The following SPECC1 variants were observed in gnomAD, a reference collection of about 807,000 sequenced individuals.
SPECC1 encodes the protein sperm antigen with calponin homology and coiled-coil domains 1, also known as cytospin-B.
In SPECC1, 62 loss-of-function variants were observed where a neutral mutation model predicts 104.1. That is an observed-to-expected ratio of 0.60 (90% CI 0.49 to 0.74). SPECC1 has a LOEUF of 0.74. Ranked by LOEUF, SPECC1 falls within the 30% of genes least tolerant of loss-of-function variation. The probability of loss-of-function intolerance (pLI) is 0.00; values close to 1 mark genes in which losing one functional copy is unlikely to be tolerated. For synonymous variants in SPECC1, 513 were observed against 501.6 expected (o/e 1.02, Z -0.30); for missense variants, 1,306 against 1,310.5 (o/e 1.00, Z 0.05).
chr17:20,201,122 A>C (rs1165308723), intron 3 of SPECC1, among the ~76,000 whole-genome samples: 1 of 152,100 alleles, frequency 6.6e-6, no homozygotes. Flanking sequence ...TCTGTTCTAT[A>C]TTAATTTTTC....
Position 20,205,796 on chromosome 17 carries a change from A to T in SPECC1, c.1747A>T (p.Met583Leu). 1 of 1,614,224 alleles carries T rather than the reference A, an allele frequency of 6.2e-7. No homozygotes were observed. Among genetic ancestry groups the T allele is most frequent in the Non-Finnish European group, 8.5e-7 (1 of 1,180,038 alleles). ...GGCAGAGAGCTGCGAAGTTCAAGAA[A>T]TGTTGAAAGTAGCCCGAGCAGAGAA... ...QTAESCEVQE[M>L]LKVARAEKDL... Residue 583 changes from methionine (M) to leucine (L), a missense_variant, in exon 4 of 15, where the codon ATG becomes TTG. By Grantham distance (15) the Met-to-Leu change is conservative. This residue lies in a region of SPECC1 where 1,177 missense variants were observed against 1,139.9 expected (regional missense o/e 1.03). Coordinates refer to ENST00000395527, the MANE Select transcript of SPECC1 (RefSeq NM_001243439.2).
chr17:20,025,710 T>A (rs2044573222), intron 1 of SPECC1, among the ~76,000 whole-genome samples: 1 of 152,238 alleles, frequency 6.6e-6, no homozygotes, highest in East Asian at 1.9e-4. Flanking sequence ...GTTTTCATTT[T>A]TTTGGTTATA....
At chr17:20,023,950 A>G (rs767084918) in intron 1 of SPECC1, among the ~76,000 whole-genome samples, 5 of 152,382 alleles carry the variant, frequency 3.3e-5, no homozygotes, top group South Asian at 4.1e-4. Context: ...GATGTAAACT[A>G]TAGACCAAAT....
Position 20,314,937 on chromosome 17 carries a change from C to G in SPECC1, c.*872C>G, listed in dbSNP as rs1598189624. 8.6e-6 allele frequency: 2 copies of G among 232,636 alleles called. No homozygotes were observed. Among genetic ancestry groups the G allele is most frequent in the Non-Finnish European group, 1.7e-5 (2 of 117,620 alleles). The allele number at this position is 232,636 out of a possible 1,614,324, so 14.4% of individuals were successfully genotyped here. A position where few individuals can be genotyped will look rare whatever the true frequency, so the allele number is the denominator to read the frequency against. Reference sequence around the variant, plus strand: ...TTGCTGGAGTCCCTGGGAGGTGCCCCACACCTCTGCCACCAAAGTCTGTGT... The same window carrying G: ...TTGCTGGAGTCCCTGGGAGGTGCCCGACACCTCTGCCACCAAAGTCTGTGT... On this transcript the variant is annotated 3_prime_UTR_variant, in exon 15 of 15. Transcript: ENST00000395527.
intron 12 of SPECC1, among the ~76,000 whole-genome samples, chr17:20,294,158 TTTTAGTAGAGACGGGGTTTAAC>T (rs1459530805): frequency 6.6e-6 from 1 of 152,140 alleles, no homozygotes; most frequent in African/African-American, 2.4e-5. Context: ...ATTTTTGTAT[TTTTAGTAGAGACGGGGTTTAAC>T]CATGTTGGCT....
intron 3 of SPECC1, among the ~76,000 whole-genome samples, chr17:20,134,036 T>C (rs1022686613): frequency 6.6e-6 from 1 of 151,904 alleles, no homozygotes; most frequent in African/African-American, 2.4e-5. Flanking sequence ...TCACACATTA[T>C]ATAAGTATTA....
chr17:20,045,066 A>G (rs116034448), intron 1 of SPECC1, among the ~76,000 whole-genome samples: 1,882 of 152,362 alleles, frequency 0.012, 43 homozygotes, highest in African/African-American at 0.043. Flanking sequence ...AAAAATTACA[A>G]GCAGTATAGA....
In SPECC1 at chr17:20,174,553, T is replaced by C. The variant is rs571386879; in HGVS notation, c.284-29780T>C. Among the ~76,000 whole-genome samples, 6 of 152,168 alleles carry C rather than the reference T, an allele frequency of 3.9e-5. No individual in the cohort carries two copies. In the South Asian group the frequency reaches 1.2e-3, roughly 32 times the overall value. On this transcript the variant is annotated intron_variant, in intron 3 of 14. Transcript: ENST00000395527. ...CCTCTTCAGTCCCAGGGGATTGAGC[T>C]GGAATGGGCCTTCACCGTGTCCCAA...
chr17:20,045,835 TG>T (rs1049326596), intron 1 of SPECC1, among the ~76,000 whole-genome samples: 2 of 152,168 alleles, frequency 1.3e-5, no homozygotes, highest in African/African-American at 4.8e-5. Context: ...TTTTTTGGGC[TG>T]GGGGAGGTCA....
At chr17:20,030,714 C>A (rs960621364) in intron 1 of SPECC1, among the ~76,000 whole-genome samples, 20 of 152,130 alleles carry the variant, frequency 1.3e-4, no homozygotes, top group African/African-American at 4.6e-4. Flanking sequence ...TCAGATTACC[C>A]TCTGGGGTCA....
At chr17:20,274,292 A>G (rs1416314363) in intron 12 of SPECC1, among the ~76,000 whole-genome samples, 1 of 152,136 alleles carries the variant, frequency 6.6e-6, no homozygotes, top group Non-Finnish European at 1.5e-5. Flanking sequence ...CCTCTGCCAC[A>G]GGTTGCTGCC....
rs1226750701 is a variant in SPECC1 at position 20,317,264 on chromosome 17, T to C, written c.*3199T>C. On this transcript the variant is annotated 3_prime_UTR_variant, in exon 15 of 15. Coordinates refer to ENST00000395527, the MANE Select transcript of SPECC1 (RefSeq NM_001243439.2). ...ACCTCTGACTCTATAAAAAAATTTT[T>C]TTTTTTTTTTTTTTTTGAGAGAGCG... is the stretch of plus-strand genomic sequence containing the variant. 7.1e-6 allele frequency: 1 copy of C among 140,950 alleles called. No homozygotes were observed. The highest frequency in any genetic ancestry group is 2.7e-3 in the Middle Eastern group (1 of 364). 8.7% of individuals were successfully genotyped at this position (140,950 alleles called of 1,614,324 possible).
At chr17:20,308,232 A>G (rs566822644) in intron 14 of SPECC1, among the ~76,000 whole-genome samples, 1 of 152,066 alleles carries the variant, frequency 6.6e-6, no homozygotes, top group South Asian at 2.1e-4. Flanking sequence ...TACTAAAGAT[A>G]CACAAAATTG....
chr17:20,242,052 G>A (rs990476968), intron 7 of SPECC1, among the ~76,000 whole-genome samples: 2 of 152,170 alleles, frequency 1.3e-5, no homozygotes, highest in African/African-American at 4.8e-5. Context: ...CATGCGACCC[G>A]CCCTCTTCAC....
Position 20,173,604 on chromosome 17 carries a change from T to A in SPECC1, c.284-30729T>A, listed in dbSNP as rs1284048744. On this transcript the variant is annotated intron_variant, in intron 3 of 14. Transcript: ENST00000395527. ...GAAGTAATGATGGCAACTTGCCTTA[T>A]TGGAGAGTGTGTAGACTGCCGTTTT... Among the ~76,000 whole-genome samples the A allele has an allele frequency of 3.9e-5, 6 of 152,198 alleles. 1 individual carries two copies. The highest frequency in any genetic ancestry group is 1.4e-4 in the African/African-American group (6 of 41,452).
chr17:20,117,759 C>T (rs1663706787), intron 3 of SPECC1, among the ~76,000 whole-genome samples: 1 of 149,822 alleles, frequency 6.7e-6, no homozygotes. Context: ...ATATATAGCG[C>T]CCATGAAAAA....
chr17:20,066,145 C>G (rs1199504796), intron 1 of SPECC1, among the ~76,000 whole-genome samples: 1 of 152,040 alleles, frequency 6.6e-6, no homozygotes. Context: ...AGCTTTTTAC[C>G]TTTTTTACAA....
At chr17:20,053,288 A>G (rs2045842298) in intron 1 of SPECC1, among the ~76,000 whole-genome samples, 1 of 152,066 alleles carries the variant, frequency 6.6e-6, no homozygotes, top group Non-Finnish European at 1.5e-5. Flanking sequence ...ATCTTCCTCT[A>G]TTCTTGCTAA....
chr17:20,129,480 G>A (rs944658900), intron 3 of SPECC1, among the ~76,000 whole-genome samples: 5 of 152,052 alleles, frequency 3.3e-5, no homozygotes, highest in Admixed American at 6.5e-5. Flanking sequence ...GAGCCACCGC[G>A]CCCAGCCAGA....
Sources: allele counts gnomAD v4.1 joint callset (sites outside exome capture counted in the v4.1 genomes callset), GRCh38; gene constraint gnomAD v4.1.1; regional missense constraint gnomAD v4.1.1; transcripts MANE v1.5; gene names NCBI Gene and HGNC (gene_info 2026-07-23, HGNC 2026-07-21).